The following DPP10 variants were observed in gnomAD, a reference collection of about 807,000 sequenced individuals.
The protein encoded by DPP10 is dipeptidyl peptidase like 10.
Under a neutral mutation model 120.9 loss-of-function variants are expected in DPP10, and 33 were observed. That is an observed-to-expected ratio of 0.27 (90% confidence interval 0.21 to 0.37). The LOEUF (loss-of-function observed/expected upper bound fraction) is 0.37. Ranked by LOEUF, DPP10 falls within the 10% of genes least tolerant of loss-of-function variation. DPP10 has a pLI of 1.00. For synonymous variants in DPP10, 337 were observed against 326.1 expected, an observed-to-expected ratio of 1.03 and a Z score of -0.36; for missense variants, 816 against 942.8, an observed-to-expected ratio of 0.87 and a Z score of 1.76.
intron 4 of DPP10, among the ~76,000 whole-genome samples, chr2:115,525,053 A>G (rs2078043116): frequency 6.6e-6 from 1 of 152,134 alleles, no homozygotes; most frequent in African/African-American, 2.4e-5. Flanking sequence ...TCTTATGGAA[A>G]CTATAAGGTG....
At chr2:114,674,991 C>T (rs905561189) in intron 1 of DPP10, among the ~76,000 whole-genome samples, 8 of 152,200 alleles carry the variant, frequency 5.3e-5, no homozygotes, top group African/African-American at 1.9e-4. Context: ...TAACCCTTCA[C>T]TTCATGGGTG....
intron 5 of DPP10, among the ~76,000 whole-genome samples, chr2:115,658,412 C>T (rs781038666): frequency 3.3e-5 from 5 of 151,266 alleles, no homozygotes; most frequent in South Asian, 2.1e-4. Context: ...AGAATGAATT[C>T]GATGTCTTAA....
rs140212483 is a variant in DPP10 at position 115,363,803 on chromosome 2, A to G, written c.271+19891A>G. On this transcript the variant is annotated intron_variant, in intron 3 of 25. Coordinates refer to ENST00000410059, the MANE Select transcript of DPP10 (RefSeq NM_020868.6). ...AGTATTTCTGGGCATTAGTTTTGTCAAAGCACCTGAGTGATAACCACAGTT... is the reference window on the plus strand; with the variant it reads ...AGTATTTCTGGGCATTAGTTTTGTCGAAGCACCTGAGTGATAACCACAGTT... Among the ~76,000 whole-genome samples the G allele has an allele frequency of 5.7e-3, 875 of 152,306 alleles. 6 individuals are homozygous for G. Among genetic ancestry groups the G allele is most frequent in the African/African-American group, 0.017 (705 of 41,570 alleles).
chr2:114,579,435 A>T (rs1690315272), intron 1 of DPP10, among the ~76,000 whole-genome samples: 1 of 152,218 alleles, frequency 6.6e-6, no homozygotes, highest in African/African-American at 2.4e-5. Context: ...GTCTCCAAAA[A>T]TACTGAAACT....
intron 1 of DPP10, among the ~76,000 whole-genome samples, chr2:114,747,136 A>C (rs924260300): frequency 9.2e-5 from 14 of 152,212 alleles, no homozygotes; most frequent in African/African-American, 2.7e-4. Flanking sequence ...TAAGAGAAGA[A>C]TTGAGGGAGA....
chr2:115,030,144 A>G (rs947528028), intron 1 of DPP10, among the ~76,000 whole-genome samples: 1 of 152,140 alleles, frequency 6.6e-6, no homozygotes, highest in Admixed American at 6.6e-5. Flanking sequence ...CTAGCCAGTA[A>G]GATCAGGCAA....
intron 1 of DPP10, among the ~76,000 whole-genome samples, chr2:114,986,359 CAAAA>C (rs984799787): frequency 6.6e-6 from 1 of 152,038 alleles, no homozygotes; most frequent in Non-Finnish European, 1.5e-5. Context: ...TCTTAATTAA[CAAAA>C]AAACTTAAAG....
At chr2:115,183,900 G>C (rs909356388) in intron 1 of DPP10, among the ~76,000 whole-genome samples, 5 of 152,280 alleles carry the variant, frequency 3.3e-5, no homozygotes, top group South Asian at 2.1e-4. Context: ...TCAGAGGGCT[G>C]TGTTTCATGG....
At chr2:114,883,137 T>C (rs1464502580) in intron 1 of DPP10, among the ~76,000 whole-genome samples, 1 of 152,226 alleles carries the variant, frequency 6.6e-6, no homozygotes, top group Non-Finnish European at 1.5e-5. Flanking sequence ...TATCAGTTCC[T>C]GGCCAAGTGT....
rs193151854 is a variant in DPP10 at position 115,429,003 on chromosome 2, G to T, written c.272-70507G>T. On this transcript the variant is annotated intron_variant, in intron 3 of 25. Transcript: ENST00000410059. The stretch of plus-strand genomic sequence containing the variant: ...AGCAACAAATATTCAGATTATATCA[G>T]GTAGCGACATAAGAAAAGTAAAGGG... 1.1e-4 allele frequency among the ~76,000 whole-genome samples: 16 copies of T among 151,950 alleles called. 1 individual carries two copies. The highest frequency in any genetic ancestry group is 3.9e-4 in the African/African-American group (16 of 41,440).
In DPP10 at chr2:114,689,668, A is replaced by G. The variant is rs556597763; in HGVS notation, c.60+246830A>G. Among the ~76,000 whole-genome samples the G allele has an allele frequency of 2.7e-4, 41 of 152,248 alleles. No homozygotes were observed. The South Asian group carries it at 7.0e-3, about 26-fold the overall frequency. ...TTGAGGAATTGCTCCACTGTCTTCC[A>G]CAATGATTGAACTAATTTACACTCC... is the stretch of plus-strand genomic sequence containing the variant. On this transcript the variant is annotated intron_variant, in intron 1 of 25. Coordinates refer to ENST00000410059, the MANE Select transcript of DPP10 (RefSeq NM_020868.6).
At chr2:115,566,657 T>C (rs527452387) in intron 5 of DPP10, among the ~76,000 whole-genome samples, 1 of 152,300 alleles carries the variant, frequency 6.6e-6, no homozygotes, top group East Asian at 1.9e-4. Context: ...TTTGAACATA[T>C]CCTGCTCCAA....
At chr2:115,696,018 T>C (rs2091567996) in intron 7 of DPP10, among the ~76,000 whole-genome samples, 1 of 151,840 alleles carries the variant, frequency 6.6e-6, no homozygotes, top group African/African-American at 2.4e-5. Flanking sequence ...AAGAAAGAAG[T>C]AGTGAAACTG....
chr2:114,557,000 C>CTTTT (rs59230198), intron 1 of DPP10, among the ~76,000 whole-genome samples: 1 of 138,746 alleles, frequency 7.2e-6, no homozygotes, highest in African/African-American at 2.7e-5. Context: ...GCAAAGACAG[C>CTTTT]TTTTTTTTTT....
intron 9 of DPP10, among the ~76,000 whole-genome samples, chr2:115,742,256 A>G (rs1257268474): frequency 4.6e-5 from 7 of 152,148 alleles, no homozygotes; most frequent in African/African-American, 1.7e-4. Flanking sequence ...AAACTCCCAC[A>G]GGTCAACAAT....
chr2:114,533,045 C>A (rs890669793), intron 1 of DPP10, among the ~76,000 whole-genome samples: 2 of 152,154 alleles, frequency 1.3e-5, no homozygotes, highest in Non-Finnish European at 2.9e-5. Context: ...AGCACATTGA[C>A]AAGACAAAGT....
intron 21 of DPP10, among the ~76,000 whole-genome samples, chr2:115,827,408 G>A (rs1263797946): frequency 1.9e-4 from 6 of 31,544 alleles, no homozygotes; most frequent in South Asian, 1.3e-3. Context: ...GTGTGTATGT[G>A]TGTGTGTATA....
At chr2:115,314,113 G>C (rs1018793069) in intron 2 of DPP10, among the ~76,000 whole-genome samples, 2 of 152,144 alleles carry the variant, frequency 1.3e-5, no homozygotes, top group African/African-American at 2.4e-5. Context: ...ATTTTGTGCA[G>C]AATAGAATTA....
chr2:115,097,956 C>T (rs908291244), intron 1 of DPP10, among the ~76,000 whole-genome samples: 2 of 152,170 alleles, frequency 1.3e-5, no homozygotes, highest in Non-Finnish European at 2.9e-5. Flanking sequence ...TTGGAATTAA[C>T]ACCTGTAGTG....
Sources: allele counts gnomAD v4.1 joint callset (sites outside exome capture counted in the v4.1 genomes callset), GRCh38; gene constraint gnomAD v4.1.1; transcripts MANE v1.5; gene names NCBI Gene and HGNC (gene_info 2026-07-23, HGNC 2026-07-21).